Variants in CMSS1 observed in about 807,000 individuals in gnomAD.
CMSS1 encodes the protein protein CMSS1.
Under a neutral mutation model 43.5 loss-of-function variants are expected in CMSS1, and 33 were observed. The ratio of observed to expected loss-of-function variants is 0.76; its 90% CI spans 0.57 to 1.01. The LOEUF (loss-of-function observed/expected upper bound fraction) is 1.01. Among genes scored for constraint, CMSS1 ranks in the 50% least tolerant of loss-of-function variants. The pLI, the probability that CMSS1 is intolerant of heterozygous loss-of-function variation, is 0.00. For synonymous variants in CMSS1, 115 were observed against 117.2 expected, an observed-to-expected ratio of 0.98 and a Z score of 0.12; for missense variants, 313 against 326.4, an observed-to-expected ratio of 0.96 and a Z score of 0.32.
intron 1 of CMSS1, among the ~76,000 whole-genome samples, chr3:100,063,881 A>G (rs1343827185): frequency 3.3e-5 from 5 of 152,262 alleles, no homozygotes; most frequent in Non-Finnish European, 5.9e-5. Context: ...CTTGAAGTAT[A>G]GAGAAAAACC....
chr3:100,171,769 A>C, intron 6 of CMSS1, 70 bp from the exon 7 acceptor site: 1 of 1,195,264 alleles, frequency 8.4e-7, no homozygotes, highest in Non-Finnish European at 1.3e-6. Flanking sequence ...GCAAGACATA[A>C]TACTTAAGTA....
chr3:99,860,778 G>A (rs1425877840), intron 1 of CMSS1, among the ~76,000 whole-genome samples: 1 of 152,152 alleles, frequency 6.6e-6, no homozygotes, highest in Non-Finnish European at 1.5e-5. Context: ...ATTTGTACCA[G>A]GATAATTACT....
intron 1 of CMSS1, among the ~76,000 whole-genome samples, chr3:99,942,408 G>T (rs193244719): frequency 2.6e-5 from 4 of 152,160 alleles, no homozygotes; most frequent in Admixed American, 6.5e-5. Context: ...AAATATTGAG[G>T]ATCTCTGAAG....
chr3:100,155,794 C>G (rs2066966659), intron 2 of CMSS1, among the ~76,000 whole-genome samples: 1 of 152,178 alleles, frequency 6.6e-6, no homozygotes, highest in Non-Finnish European at 1.5e-5. Flanking sequence ...TGCAAATAAA[C>G]TTTATTCATA....
intron 1 of CMSS1, among the ~76,000 whole-genome samples, chr3:100,016,208 T>G (rs1453481648): frequency 1.3e-5 from 2 of 152,118 alleles, no homozygotes; most frequent in Non-Finnish European, 2.9e-5. Flanking sequence ...TTGTTTGTTT[T>G]TGAGACGCAG....
At chr3:99,932,866 G>A (rs569038836) in intron 1 of CMSS1, among the ~76,000 whole-genome samples, 1 of 152,224 alleles carries the variant, frequency 6.6e-6, no homozygotes, top group African/African-American at 2.4e-5. Context: ...CTCCAGCCTG[G>A]GTGACAGAGT....
At chr3:99,823,460 C>T (rs1366948562) in intron 1 of CMSS1, among the ~76,000 whole-genome samples, 1 of 152,186 alleles carries the variant, frequency 6.6e-6, no homozygotes, top group Non-Finnish European at 1.5e-5. Context: ...TAGCAGTATT[C>T]TGATTTATTT....
At chr3:99,854,984 T>C (rs940042956) in intron 1 of CMSS1, among the ~76,000 whole-genome samples, 3 of 152,190 alleles carry the variant, frequency 2.0e-5, no homozygotes, top group African/African-American at 7.2e-5. Context: ...GGCCTCACAA[T>C]TTGCCTTATA....
intron 1 of CMSS1, among the ~76,000 whole-genome samples, chr3:99,959,090 T>C (rs1708420925): frequency 1.3e-5 from 2 of 152,222 alleles, no homozygotes; most frequent in South Asian, 4.1e-4. Context: ...GATATGATGG[T>C]AATTTAAAAA....
chr3:100,077,040 G>T (rs758179452), intron 1 of CMSS1, among the ~76,000 whole-genome samples: 2 of 152,222 alleles, frequency 1.3e-5, no homozygotes, highest in Non-Finnish European at 2.9e-5. Flanking sequence ...AGGCTGGCCA[G>T]GGTACGCTTA....
chr3:100,004,477 C>T lies in CMSS1; in HGVS notation c.65-142496C>T, dbSNP rs142311137. Among the ~76,000 whole-genome samples the T allele has an allele frequency of 3.7e-3, 569 of 152,210 alleles. 3 individuals carry two copies. The highest frequency in any genetic ancestry group is 0.013 in the African/African-American group (541 of 41,526). ...CAGAAGGAAAAATCCAATGAGGTCACCCATCAGAGTGGTGGAGAAAAAGGA... is the reference window on the plus strand; with the variant it reads ...CAGAAGGAAAAATCCAATGAGGTCATCCATCAGAGTGGTGGAGAAAAAGGA... On this transcript the variant is annotated intron_variant, in intron 1 of 9. Transcript: ENST00000421999.
At chr3:100,075,021 T>A (rs1348712730) in intron 1 of CMSS1, among the ~76,000 whole-genome samples, 1 of 152,088 alleles carries the variant, frequency 6.6e-6, no homozygotes, top group African/African-American at 2.4e-5. Flanking sequence ...AATGATTTTT[T>A]ATAAACCTTT....
At chr3:99,874,021 G>C (rs76949517) in intron 1 of CMSS1, among the ~76,000 whole-genome samples, 2 of 152,348 alleles carry the variant, frequency 1.3e-5, no homozygotes, top group Non-Finnish European at 2.9e-5. Context: ...CCCAGTGTGA[G>C]ATAGGGTATC....
intron 1 of CMSS1, among the ~76,000 whole-genome samples, chr3:99,969,527 T>C (rs560181417): frequency 2.6e-5 from 4 of 152,092 alleles, no homozygotes; most frequent in South Asian, 2.1e-4. Context: ...TCTAAAGATA[T>C]TAGTGAAAGA....
chr3:100,004,347 T>C (rs1250250011), intron 1 of CMSS1, among the ~76,000 whole-genome samples: 2 of 152,172 alleles, frequency 1.3e-5, no homozygotes, highest in Non-Finnish European at 2.9e-5. Context: ...TCTTCTATTC[T>C]CTGTGTATTG....
At chr3:99,965,382 T>G (rs1031195165) in intron 1 of CMSS1, among the ~76,000 whole-genome samples, 15 of 152,216 alleles carry the variant, frequency 9.9e-5, no homozygotes, top group African/African-American at 3.6e-4. Flanking sequence ...AGTCAGGTGC[T>G]ATGGCATGTG....
intron 1 of CMSS1, among the ~76,000 whole-genome samples, chr3:99,985,717 T>C (rs996582746): frequency 1.3e-5 from 2 of 151,872 alleles, no homozygotes; most frequent in Non-Finnish European, 2.9e-5. Context: ...GCCTCCTGAG[T>C]AAATGGGATT....
intron 1 of CMSS1, among the ~76,000 whole-genome samples, chr3:100,022,005 G>T (rs936168569): frequency 1.4e-5 from 2 of 146,946 alleles, no homozygotes; most frequent in Admixed American, 6.8e-5. Flanking sequence ...TATGAGGGGG[G>T]CACCAAGACA....
At chr3:100,092,223 A>G (rs945299774) in intron 1 of CMSS1, among the ~76,000 whole-genome samples, 6 of 152,346 alleles carry the variant, frequency 3.9e-5, no homozygotes, top group African/African-American at 1.2e-4. Flanking sequence ...TAAATATTCT[A>G]TAACAGTATT....
Sources: allele counts gnomAD v4.1 joint callset (sites outside exome capture counted in the v4.1 genomes callset), GRCh38; gene constraint gnomAD v4.1.1; transcripts MANE v1.5; gene names NCBI Gene and HGNC (gene_info 2026-07-23, HGNC 2026-07-21).